ADAMTS17: variants seen among roughly 807,000 people sequenced by gnomAD.
ADAMTS17 encodes the protein ADAM metallopeptidase with thrombospondin type 1 motif 17, also known as A disintegrin and metalloproteinase with thrombospondin motifs 17.
A neutral mutation model predicts 141.5 loss-of-function variants in ADAMTS17; 113 were observed. That is an observed-to-expected ratio of 0.80 (90% CI 0.69 to 0.93). ADAMTS17 has a LOEUF of 0.93. Ranked by LOEUF, ADAMTS17 falls within the 40% of genes least tolerant of loss-of-function variation. The pLI is 0.00. For missense variants in ADAMTS17, 1,659 were observed against 1,517.9 expected, an observed-to-expected ratio of 1.09 and a Z score of -1.54; for synonymous variants, 768 against 630.6, an observed-to-expected ratio of 1.22 and a Z score of -3.27.
rs145862542 is a variant in ADAMTS17 at position 100,284,474 on chromosome 15, C to G, written c.617-3073G>C. Among the ~76,000 whole-genome samples, 192 of 152,304 alleles carry G rather than the reference C, an allele frequency of 1.3e-3. 1 individual carries two copies. The highest frequency in any genetic ancestry group is 4.4e-3 in the African/African-American group (181 of 41,562). On this transcript the variant is annotated intron_variant, in intron 3 of 21. Coordinates refer to ENST00000268070, the MANE Select transcript of ADAMTS17 (RefSeq NM_139057.4). ...TGTGAGTGCAGGGCAGAGCTTGCCACAAAATGAGTGTTGAAACCCCTGGAT... is the reference window on the plus strand; with the variant it reads ...TGTGAGTGCAGGGCAGAGCTTGCCAGAAAATGAGTGTTGAAACCCCTGGAT...
intron 13 of ADAMTS17, among the ~76,000 whole-genome samples, chr15:100,113,860 G>A (rs1205293378): frequency 6.6e-5 from 10 of 152,216 alleles, no homozygotes; most frequent in Non-Finnish European, 7.3e-5. Flanking sequence ...CGCTGGGAAC[G>A]CACAGCCACG....
chr15:100,151,983 C>T (rs1358157005), intron 10 of ADAMTS17, among the ~76,000 whole-genome samples: 1 of 152,178 alleles, frequency 6.6e-6, no homozygotes, highest in East Asian at 1.9e-4. Context: ...TGTTTGCTTA[C>T]TTTGACTTGG....
At chr15:99,987,995 T>C (rs2060623871) in intron 20 of ADAMTS17, among the ~76,000 whole-genome samples, 1 of 151,980 alleles carries the variant, frequency 6.6e-6, no homozygotes, top group African/African-American at 2.4e-5. Context: ...TTAATGTCCC[T>C]GCAGGCCCTC....
intron 7 of ADAMTS17, among the ~76,000 whole-genome samples, chr15:100,228,620 G>A (rs981569612): frequency 1.2e-4 from 19 of 152,208 alleles, no homozygotes; most frequent in Admixed American, 9.8e-4. Flanking sequence ...GAGAGACCAC[G>A]AGAGAGCGCT....
chr15:99,994,343 T>C (rs1160108175), intron 19 of ADAMTS17, among the ~76,000 whole-genome samples: 1 of 151,894 alleles, frequency 6.6e-6, no homozygotes, highest in Non-Finnish European at 1.5e-5. Context: ...CTAGGCCAAA[T>C]GCAGTAGTTC....
At chr15:100,019,238 A>G (rs945531547) in intron 18 of ADAMTS17, among the ~76,000 whole-genome samples, 18 of 152,310 alleles carry the variant, frequency 1.2e-4, no homozygotes, top group African/African-American at 3.6e-4. Context: ...GGATATATAC[A>G]TATATAGTGC....
chr15:100,271,200 A>G (rs1463804707), intron 4 of ADAMTS17, among the ~76,000 whole-genome samples: 1 of 152,226 alleles, frequency 6.6e-6, no homozygotes, highest in African/African-American at 2.4e-5. Flanking sequence ...TAATCCTGCT[A>G]TGAACATTGG....
At chr15:100,339,057 C>T (rs1226997249) in intron 2 of ADAMTS17, 1 of 985,328 alleles carries the variant, frequency 1.0e-6, no homozygotes, top group Non-Finnish European at 1.2e-6. Context: ...GCAGACTAAA[C>T]AACAGAAGTG....
At chr15:100,333,693 T>A (rs915519806) in intron 2 of ADAMTS17, among the ~76,000 whole-genome samples, 41 of 152,322 alleles carry the variant, frequency 2.7e-4, no homozygotes, top group African/African-American at 8.7e-4. Context: ...GAGCAGGGCT[T>A]CTTGGATCTG....
chr15:100,155,948 C>G (rs1447139869), intron 8 of ADAMTS17, among the ~76,000 whole-genome samples: 2 of 152,030 alleles, frequency 1.3e-5, no homozygotes, highest in African/African-American at 4.8e-5. Flanking sequence ...CTTGCCCTCA[C>G]TGGGGTGAGC....
intron 15 of ADAMTS17, among the ~76,000 whole-genome samples, chr15:100,093,057 A>G (rs1048210616): frequency 5.3e-5 from 8 of 152,248 alleles, no homozygotes; most frequent in Admixed American, 3.9e-4. Context: ...CAGAAAAGCA[A>G]TATGATAGCC....
intron 3 of ADAMTS17, among the ~76,000 whole-genome samples, chr15:100,295,368 G>A (rs982953108): frequency 2.6e-5 from 4 of 152,138 alleles, no homozygotes; most frequent in Admixed American, 6.5e-5. Flanking sequence ...CTGTCAATAG[G>A]GGGCACTAGA....
intron 10 of ADAMTS17, among the ~76,000 whole-genome samples, chr15:100,137,865 T>C (rs114902530): frequency 0.033 from 5,010 of 151,370 alleles, 135 homozygotes; most frequent in South Asian, 0.073. Flanking sequence ...ACCCTTTCAC[T>C]ACCAACACCC....
chr15:100,225,331 A>G (rs1013224790), intron 7 of ADAMTS17, among the ~76,000 whole-genome samples: 1 of 152,268 alleles, frequency 6.6e-6, no homozygotes, highest in Non-Finnish European at 1.5e-5. Flanking sequence ...ACTGAGTGCC[A>G]GCACATGGCT....
At chr15:100,262,459 A>C (rs1567449867) in intron 4 of ADAMTS17, 24 bp from the exon 5 acceptor site, 15 of 1,591,834 alleles carry the variant, frequency 9.4e-6, no homozygotes, top group Non-Finnish European at 1.0e-5. Flanking sequence ...AAAAAGAAAT[A>C]AAGATATAAA....
intron 10 of ADAMTS17, among the ~76,000 whole-genome samples, chr15:100,140,976 C>T (rs910496210): frequency 1.3e-5 from 2 of 152,290 alleles, no homozygotes; most frequent in East Asian, 3.9e-4. Flanking sequence ...GGCGGCTGCC[C>T]AGGCCAAATC....
intron 3 of ADAMTS17, among the ~76,000 whole-genome samples, chr15:100,292,381 AC>A (rs146234467): frequency 0.018 from 2,754 of 151,660 alleles, 98 homozygotes; most frequent in African/African-American, 0.063. Context: ...AGAGATGCTC[AC>A]CCCGTGTGAA....
chr15:100,232,895 C>T lies in ADAMTS17; in HGVS notation c.1075+21241G>A, dbSNP rs115823331. Reference sequence around the variant, plus strand: ...CAGGCAGAGGCCATCTCACACTCCACCCCAGAGGAGGGACGCCGTGAATCT... The same window carrying T: ...CAGGCAGAGGCCATCTCACACTCCATCCCAGAGGAGGGACGCCGTGAATCT... On this transcript the variant is annotated intron_variant, in intron 7 of 21. Coordinates refer to ENST00000268070, the MANE Select transcript of ADAMTS17 (RefSeq NM_139057.4). 6.5e-3 allele frequency among the ~76,000 whole-genome samples: 992 copies of T among 152,336 alleles called. 9 individuals are homozygous for T. Among genetic ancestry groups the T allele is most frequent in the African/African-American group, 0.022 (910 of 41,580 alleles).
chr15:100,047,054 CCT>C (rs1240842467), intron 18 of ADAMTS17, among the ~76,000 whole-genome samples: 2 of 151,920 alleles, frequency 1.3e-5, no homozygotes, highest in African/African-American at 4.8e-5. Context: ...AGAATGAGCC[CCT>C]GAGGGTAGGC....
Sources: gnomAD v4.1 joint callset for allele counts (sites outside exome capture counted in the v4.1 genomes callset) on GRCh38, gnomAD v4.1.1 for gene constraint, MANE v1.5 for transcripts, NCBI Gene and HGNC (gene_info 2026-07-23, HGNC 2026-07-21) for gene names.